The following PRAME variants were observed in gnomAD, a reference collection of about 807,000 sequenced individuals.
The protein encoded by PRAME is melanoma antigen preferentially expressed in tumors.
Under a neutral mutation model 32.1 loss-of-function variants are expected in PRAME, and 21 were observed. That is an observed-to-expected ratio of 0.65 (90% CI 0.46 to 0.94). The LOEUF is 0.94. Among genes scored for constraint, PRAME ranks in the 40% least tolerant of loss-of-function variants. PRAME has a pLI of 0.00. For synonymous variants in PRAME, 274 were observed against 251.5 expected (o/e 1.09, Z -0.85); for missense variants, 651 against 622.3 (o/e 1.05, Z -0.49).
chr22:22,549,817 AC>A lies in PRAME; in HGVS notation c.861del (p.Gln287HisfsTer34). On this transcript the variant is annotated frameshift_variant, in exon 5 of 6. Coordinates refer to ENST00000405655, the MANE Select transcript of PRAME (RefSeq NM_206956.3). LOFTEE classifies it high-confidence loss of function. The part of the protein sequence containing the change: ...SPEKEEQYIA[Q>X]FTSQFLSLQC... ...TGCAGACTGAGGAACTGAGAGGTGA[AC>A]TGGGCGATATACTGCTCTTCCTTCT... The A allele has an allele frequency of 6.2e-7, 1 of 1,613,836 alleles. No individual in the cohort carries two copies. The highest frequency in any genetic ancestry group is 8.5e-7 in the Non-Finnish European group (1 of 1,179,954).
Position 22,548,403 on chromosome 22 carries a change from G to A in PRAME, c.1194C>T (p.Leu398=). ...GGGAGCAGTGGCTCAGGGAAGGCAGGAGGGCAAGGAGCTGATCATCCGTGA... is the reference window on the plus strand; with the variant it reads ...GGGAGCAGTGGCTCAGGGAAGGCAGAAGGGCAAGGAGCTGATCATCCGTGA... ...CGITDDQLLA[L]LPSLSHCSQL... The change falls in exon 6 of 6, where the codon CTC becomes CTT. Residue 398 remains leucine, a synonymous_variant. Coordinates refer to ENST00000405655, the MANE Select transcript of PRAME (RefSeq NM_206956.3). 6.2e-7 allele frequency: 1 copy of A among 1,613,486 alleles called. No individual in the cohort carries two copies. Among genetic ancestry groups the A allele is most frequent in the South Asian group, 1.1e-5 (1 of 91,070 alleles).
At position 22,547,954 on chromosome 22, in the gene PRAME, C is replaced by T; in HGVS notation, c.*113G>A. 1 of 1,193,370 alleles carries T rather than the reference C, an allele frequency of 8.4e-7. No individual in the cohort carries two copies. The highest frequency in any genetic ancestry group is 1.2e-6 in the Non-Finnish European group (1 of 842,456). The allele number at this position is 1,193,370 out of a possible 1,614,324, so 73.9% of individuals were successfully genotyped here. A position where few individuals can be genotyped will look rare whatever the true frequency, so the allele number is the denominator to read the frequency against. Reference sequence around the variant, plus strand: ...TTCCTCACTGAACATGTTTTCCTCACTCACACTGAACATTTGTCTGAAACT... The same window carrying T: ...TTCCTCACTGAACATGTTTTCCTCATTCACACTGAACATTTGTCTGAAACT... On this transcript the variant is annotated 3_prime_UTR_variant, in exon 6 of 6. Transcript: ENST00000405655.
Position 22,559,137 on chromosome 22 carries a change from C to T in PRAME, c.-280G>A, listed in dbSNP as rs2063178872. On this transcript the variant is annotated 5_prime_UTR_variant, in exon 1 of 6. It removes the in-frame stop codon of an upstream open reading frame in the 5' UTR. Coordinates refer to ENST00000405655, the MANE Select transcript of PRAME (RefSeq NM_206956.3). ...TGCAGAGGACTCCGCCCTGCTTTCC[C>T]TACATTCAGGGCTGCTCCTTTTGTC... The T allele has an allele frequency of 8.9e-6, 2 of 224,080 alleles. No individual in the cohort carries two copies. The highest frequency in any genetic ancestry group is 6.4e-5 in the Admixed American group (1 of 15,536). The allele number at this position is 224,080 out of a possible 1,614,324, so 13.9% of individuals were successfully genotyped here. A position where few individuals can be genotyped will look rare whatever the true frequency, so the allele number is the denominator to read the frequency against.
Position 22,558,563 on chromosome 22 carries a change from AGGTGGGG to A in PRAME, c.-114+401_-114+407del, listed in dbSNP as rs1273879484. Among the ~76,000 whole-genome samples, 15 of 44,410 alleles carry A rather than the reference AGGTGGGG, an allele frequency of 3.4e-4. 1 individual carries two copies. The East Asian group carries it at 0.012, about 35-fold the overall frequency. The allele number at this position is 44,410 out of a possible 152,430, so 29.1% of individuals were successfully genotyped here. A position where few individuals can be genotyped will look rare whatever the true frequency, so the allele number is the denominator to read the frequency against. ...GTGGGGATGTGGAAAGAAAGTCAGA[AGGTGGGG>A]GGTGAGGGGTGGGGATGGGTGAATA... On this transcript the variant is annotated intron_variant, in intron 1 of 5. Transcript: ENST00000405655.
Position 22,548,307 on chromosome 22 carries a change from G to A in PRAME, c.1290C>T (p.Leu430=), listed in dbSNP as rs753291223. ...CGTGGGTCAGATTGCTCAGCCCGAT[G>A]AGGTGCTGCAGGAGACTCTGCAGGG... ...ISALQSLLQH[L]IGLSNLTHVL... Residue 430 remains leucine, a synonymous_variant, in exon 6 of 6, where the codon CTC becomes CTT. Transcript: ENST00000405655. 8.1e-6 allele frequency: 13 copies of A among 1,613,730 alleles called. No individual in the cohort carries two copies. Among genetic ancestry groups the A allele is most frequent in the South Asian group, 4.4e-5 (4 of 91,070 alleles).
At chr22:22,550,691 C>T in intron 4 of PRAME, 76 bp downstream of exon 4, 1 of 1,461,950 alleles carries the variant, frequency 6.8e-7, no homozygotes, top group Non-Finnish European at 9.2e-7. Flanking sequence ...GCCTTAGGCG[C>T]TCCATGCTCC....
chr22:22,550,062 A>G lies in PRAME; in HGVS notation c.617T>C (p.Leu206Pro), dbSNP rs140292459. ...IEKVKRKKNV[L>P]RLCCKKLKIF... ...CTTCAGCTTCTTACAGCACAGGCGT[A>G]GTACATTTTTCTTTCGCTTCACTTT... The change falls in exon 5 of 6, where the codon CTA (leucine) becomes CCA (proline). Residue 206 changes from leucine (L) to proline (P), a missense_variant. Transcript: ENST00000405655. 1.1e-5 allele frequency: 18 copies of G among 1,613,810 alleles called. No individual in the cohort carries two copies. The African/African-American group carries it at 2.1e-4, about 19-fold the overall frequency.
intron 5 of PRAME, 146 bp from the exon 6 acceptor site, chr22:22,548,789 T>C: frequency 1.3e-6 from 1 of 742,928 alleles, no homozygotes; most frequent in Non-Finnish European, 2.2e-6. Flanking sequence ...ATTCAAGGAG[T>C]ACAAGTTCAG....
At chr22:22,554,845 G>A (rs890125140) in intron 3 of PRAME, among the ~76,000 whole-genome samples, 1 of 151,968 alleles carries the variant, frequency 6.6e-6, no homozygotes, top group African/African-American at 2.4e-5. Flanking sequence ...AGTTAGGGAA[G>A]CTTCCATGGG....
At chr22:22,548,686 T>C in intron 5 of PRAME, 43 bp from the exon 6 acceptor site, 1 of 1,493,326 alleles carries the variant, frequency 6.7e-7, no homozygotes, top group African/African-American at 1.4e-5. Context: ...ATGGTGGTAG[T>C]GGGGTGGGGA....
chr22:22,552,214 C>A (rs1281029399), intron 3 of PRAME, among the ~76,000 whole-genome samples: 1 of 149,372 alleles, frequency 6.7e-6, no homozygotes, highest in African/African-American at 2.5e-5. Flanking sequence ...ATTTTTTAAC[C>A]TTTTAGTTAA....
intron 2 of PRAME, chr22:22,557,242 C>CA (rs35271948): frequency 0.62 from 164,751 of 265,508 alleles, 52,377 homozygotes; most frequent in East Asian, 0.73. Context: ...CCCCAACCCC[C>CA]AGCACCTTCA....
At chr22:22,551,139 C>T in intron 3 of PRAME, 50 bp from the exon 4 acceptor site, 1 of 1,485,736 alleles carries the variant, frequency 6.7e-7, no homozygotes. Flanking sequence ...CAAGCATAAG[C>T]AACTCTATCT....
rs2062377541 is a variant in PRAME at position 22,548,631 on chromosome 22, G to A, written c.966C>T (p.Asn322=). The stretch of plus-strand genomic sequence containing the variant: ...TAGTTATTGAGAGGGTTTCCAAGGG[G>A]TTCATCACGTGCCTGCAAATAGACA... ...RLDQLLRHVM[N]PLETLSITNC... The change falls in exon 6 of 6, where the codon AAC becomes AAT. Residue 322 remains asparagine (N), a synonymous_variant. Transcript: ENST00000405655. The A allele has an allele frequency of 1.3e-6, 2 of 1,597,374 alleles. No homozygotes were observed. The highest frequency in any genetic ancestry group is 2.2e-5 in the East Asian group (1 of 44,704).
At chr22:22,551,625 G>A (rs1377267845) in intron 3 of PRAME, among the ~76,000 whole-genome samples, 2 of 109,590 alleles carry the variant, frequency 1.8e-5, no homozygotes, top group East Asian at 2.5e-4. Flanking sequence ...ATAGCAATTG[G>A]AAGTACAATA....
At position 22,550,759 on chromosome 22, in the gene PRAME, A is replaced by C; in HGVS notation, c.344+8T>G. On this transcript the variant is annotated splice_region_variant and intron_variant, in intron 4 of 5. Coordinates refer to ENST00000405655, the MANE Select transcript of PRAME (RefSeq NM_206956.3). ...GGGCCCCACACCAAGCTGCTAGGTCACCCTTACCTGGGGCGAACCTCCTGG... is the reference window on the plus strand; with the variant it reads ...GGGCCCCACACCAAGCTGCTAGGTCCCCCTTACCTGGGGCGAACCTCCTGG... 6.4e-7 allele frequency: 1 copy of C among 1,561,396 alleles called. No homozygotes were observed. Among genetic ancestry groups the C allele is most frequent in the Non-Finnish European group, 8.7e-7 (1 of 1,151,372 alleles).
rs766384129 is a variant in PRAME at position 22,549,803 on chromosome 22, G to C, written c.876C>G (p.Phe292Leu). 1 of 1,613,798 alleles carries C rather than the reference G, an allele frequency of 6.2e-7. No individual in the cohort carries two copies. Among genetic ancestry groups the C allele is most frequent in the Non-Finnish European group, 8.5e-7 (1 of 1,179,932 alleles). ...GAGCCTGCAGGCACTGCAGACTGAG[G>C]AACTGAGAGGTGAACTGGGCGATAT... Reference protein sequence around the residue: ...EQYIAQFTSQFLSLQCLQALY... With the variant: ...EQYIAQFTSQLLSLQCLQALY... Residue 292 changes from phenylalanine to leucine, a missense_variant, in exon 5 of 6, where the codon TTC becomes TTG. Physicochemically the swap from Phe to Leu is conservative, Grantham distance 22 (BLOSUM62 0). Coordinates refer to ENST00000405655, the MANE Select transcript of PRAME (RefSeq NM_206956.3).
Position 22,550,004 on chromosome 22 carries a change from C to T in PRAME, c.675G>A (p.Met225Ile), listed in dbSNP as rs768832668. 1 of 1,613,858 alleles carries T rather than the reference C, an allele frequency of 6.2e-7. No homozygotes were observed. Among genetic ancestry groups the T allele is most frequent in the East Asian group, 2.2e-5 (1 of 44,792 alleles). ...AGTCCAGCTGCACCATTTTCAGGATCATCTTGATATCCTGCATGGGCATTG... is the reference window on the plus strand; with the variant it reads ...AGTCCAGCTGCACCATTTTCAGGATTATCTTGATATCCTGCATGGGCATTG... ...IFAMPMQDIK[M>I]ILKMVQLDSI... Residue 225 changes from methionine (M) to isoleucine (I), a missense_variant, in exon 5 of 6, where the codon ATG becomes ATA. Met to Ile is a conservative substitution (Grantham distance 10, BLOSUM62 1). Transcript: ENST00000405655.
chr22:22,558,255 AGGGGT>A (rs1431150732), intron 1 of PRAME, among the ~76,000 whole-genome samples: 1 of 708 alleles, frequency 1.4e-3, no homozygotes, highest in African/African-American at 9.4e-3. Context: ...AGGGTGGGGG[AGGGGT>A]GGGGTGGGGG....
Sources: allele counts gnomAD v4.1 joint callset (sites outside exome capture counted in the v4.1 genomes callset), GRCh38; gene constraint gnomAD v4.1.1; transcripts MANE v1.5; gene names NCBI Gene and HGNC (gene_info 2026-07-23, HGNC 2026-07-21).